The following LILRB2 variants were observed in gnomAD, a reference collection of about 807,000 sequenced individuals.
LILRB2 encodes leukocyte immunoglobulin like receptor B2, also known as leukocyte immunoglobulin-like receptor subfamily B member 2.
Under a neutral mutation model 72.7 loss-of-function variants are expected in LILRB2, and 47 were observed. The observed-to-expected ratio is 0.65, with a 90% confidence interval of 0.51 to 0.82. LILRB2 has a LOEUF of 0.82. Ranked by LOEUF, LILRB2 falls within the 40% of genes least tolerant of loss-of-function variation. LILRB2 has a pLI of 0.00. For missense variants in LILRB2, 767 were observed against 764.8 expected, an observed-to-expected ratio of 1.00 and a Z score of -0.03; for synonymous variants, 279 against 313.7, an observed-to-expected ratio of 0.89 and a Z score of 1.17.
chr19:54,280,890 C>A, intron 1 of LILRB2, 71 bp downstream of exon 1: 1 of 993,888 alleles, frequency 1.0e-6, no homozygotes, highest in East Asian at 3.8e-5. Flanking sequence ...CCCCTTCCTT[C>A]TCACAGCTTC....
At chr19:54,278,067 T>C in intron 7 of LILRB2, 128 bp from the exon 8 acceptor site, 1 of 1,101,316 alleles carries the variant, frequency 9.1e-7, no homozygotes, top group Non-Finnish European at 1.3e-6. Flanking sequence ...CTCCTGTCCA[T>C]GATGCTGGCG....
chr19:54,274,734 T>C lies in LILRB2; in HGVS notation c.1743A>G (p.Glu581=). 6.2e-7 allele frequency: 1 copy of C among 1,613,910 alleles called. No homozygotes were observed. The highest frequency in any genetic ancestry group is 2.2e-5 in the East Asian group (1 of 44,860). The change falls in exon 14 of 14, where the codon GAA becomes GAG. Residue 581 remains glutamate, a synonymous_variant. Transcript: ENST00000314446. ...RKATEPPPSQ[E]REPPAEPSIY... The stretch of plus-strand genomic sequence containing the variant: ...TGCTGGGCTCAGCTGGAGGTTCCCT[T>C]TCCTGGGATGGAGGAGGCTCAGTTG...
chr19:54,279,837 G>T lies in LILRB2; in HGVS notation c.309C>A (p.Arg103=), dbSNP rs541426329. ...TGRYGCQYYS[R]ARWSELSDPL... is the part of the protein sequence containing the mutation. The stretch of plus-strand genomic sequence containing the variant: ...GGTCACTGAGCTCAGACCACCGAGC[G>T]CGGCTGTAATACTGACAGCCATATC... The change falls in exon 4 of 14, where the codon CGC becomes CGA. Residue 103 remains arginine, a synonymous_variant. Coordinates refer to ENST00000314446, the MANE Select transcript of LILRB2 (RefSeq NM_001080978.4). 1 of 1,614,142 alleles carries T rather than the reference G, an allele frequency of 6.2e-7. No individual in the cohort carries two copies. Among genetic ancestry groups the T allele is most frequent in the Admixed American group, 1.7e-5 (1 of 60,026 alleles).
chr19:54,277,461 C>T lies in LILRB2; in HGVS notation c.1357+89G>A, dbSNP rs1335379172. The T allele has an allele frequency of 3.3e-6, 5 of 1,527,532 alleles. No homozygotes were observed. The African/African-American group carries it at 5.5e-5, about 17-fold the overall frequency. The allele number at this position is 1,527,532 out of a possible 1,614,324, so 94.6% of individuals were successfully genotyped here. ...GCAGGGGAGGAGCCTGTCTACATCACCACCTCCAGAGGAGCCTGAACCTAG... is the reference window on the plus strand; with the variant it reads ...GCAGGGGAGGAGCCTGTCTACATCATCACCTCCAGAGGAGCCTGAACCTAG... On this transcript the variant is annotated intron_variant, in intron 9 of 13. Transcript: ENST00000314446.
chr19:54,279,002 A>C lies in LILRB2; in HGVS notation c.765T>G (p.Val255=). 1 of 1,614,208 alleles carries C rather than the reference A, an allele frequency of 6.2e-7. No homozygotes were observed. The highest frequency in any genetic ancestry group is 8.5e-7 in the Non-Finnish European group (1 of 1,180,028). ...CVSDVGYDRF[V]LYKEGERDLR... ...GGTCACGTTCCCCCTCCTTGTACAGAACAAATCTGTCATAGCCGACATCAG... is the reference window on the plus strand; with the variant it reads ...GGTCACGTTCCCCCTCCTTGTACAGCACAAATCTGTCATAGCCGACATCAG... The change falls in exon 6 of 14, where the codon GTT becomes GTG. Residue 255 remains valine (V), a synonymous_variant. Coordinates refer to ENST00000314446, the MANE Select transcript of LILRB2 (RefSeq NM_001080978.4).
intron 4 of LILRB2, 68 bp downstream of exon 4, chr19:54,279,723 G>C: frequency 1.2e-6 from 2 of 1,607,278 alleles, no homozygotes; most frequent in East Asian, 4.5e-5. Flanking sequence ...CTGTGAGAGG[G>C]AGACACCCCT....
chr19:54,280,143 G>T, intron 3 of LILRB2, 68 bp from the exon 4 acceptor site: 1 of 1,608,902 alleles, frequency 6.2e-7, no homozygotes, highest in Non-Finnish European at 8.5e-7. Flanking sequence ...CTCAGCCCAG[G>T]ACCCTCCAGA....
In LILRB2 at chr19:54,276,445, C is replaced by A. The variant is rs2080232264; in HGVS notation, c.1492G>T (p.Ala498Ser). Residue 498 changes from alanine to serine, a missense_variant, in exon 11 of 14, where the codon GCT becomes TCT. Physicochemically the swap from Ala to Ser is moderately conservative, Grantham distance 99. Coordinates refer to ENST00000314446, the MANE Select transcript of LILRB2 (RefSeq NM_001080978.4). Reference protein sequence around the residue: ...GKHWTSTQRKADFQHPAGAVG... With the variant: ...GKHWTSTQRKSDFQHPAGAVG... ...GCCCCTGCAGGATGTTGGAAATCAG[C>A]CTTTCTCTGGGCTGGGGGAAGAAGG... 7 of 1,593,060 alleles carry A rather than the reference C, an allele frequency of 4.4e-6. No homozygotes were observed. Among genetic ancestry groups the A allele is most frequent in the South Asian group, 1.1e-5 (1 of 90,412 alleles).
rs1307614571 is a variant in LILRB2, at chr19:54,279,486, C to T, written c.517G>A (p.Ala173Thr). The T allele has an allele frequency of 1.9e-6, 3 of 1,613,486 alleles. No individual in the cohort carries two copies. The highest frequency in any genetic ancestry group is 1.1e-5 in the South Asian group (1 of 90,604). ...AAGATGGCGCGGGACGACCCACGGGCATGGGGCTGGGAGTTCAGGCATTGT... is the reference window on the plus strand; with the variant it reads ...AAGATGGCGCGGGACGACCCACGGGTATGGGGCTGGGAGTTCAGGCATTGT... ...HPQCLNSQPH[A>T]RGSSRAIFSV... is the part of the protein sequence containing the mutation. The change falls in exon 5 of 14, where the codon GCC (alanine) becomes ACC (threonine). Residue 173 changes from alanine (A) to threonine (T), a missense_variant. By Grantham distance (58) the Ala-to-Thr change is moderately conservative. Around this residue, in one of 3 missense-constraint regions of LILRB2, gnomAD observed 599 missense variants for 568.2 expected, o/e 1.05. Coordinates refer to ENST00000314446, the MANE Select transcript of LILRB2 (RefSeq NM_001080978.4).
In LILRB2 at chr19:54,273,947, G is replaced by A. The variant is rs1307699152; in HGVS notation, c.*736C>T. 1 of 151,860 alleles carries A rather than the reference G, an allele frequency of 6.6e-6. No individual in the cohort carries two copies. The highest frequency in any genetic ancestry group is 1.5e-5 in the Non-Finnish European group (1 of 68,138). The allele number at this position is 151,860 out of a possible 1,614,324, so 9.4% of individuals were successfully genotyped here. On this transcript the variant is annotated 3_prime_UTR_variant, in exon 14 of 14. Coordinates refer to ENST00000314446, the MANE Select transcript of LILRB2 (RefSeq NM_001080978.4). ...AGTCAGATTCTCTGATTACTCTTAC[G>A]TTCATTATGTAAACTCCAGTTTTGA...
chr19:54,278,561 T>A lies in LILRB2; in HGVS notation c.957A>T (p.Gly319=). Residue 319 remains glycine, a splice_region_variant and synonymous_variant, in exon 7 of 14, where the codon GGA becomes GGT. Transcript: ENST00000314446. ...PSDPLDILIT[G]QIRGTPFISV... is the part of the protein sequence containing the mutation. ...AGATGAAGGGTGTGCCACGGATCTG[T>A]CCTGGAGAGAAGAAGGATGGGTGAG... 2 of 1,613,588 alleles carry A rather than the reference T, an allele frequency of 1.2e-6. No individual in the cohort carries two copies. Among genetic ancestry groups the A allele is most frequent in the East Asian group, 4.5e-5 (2 of 44,824 alleles).
In LILRB2 at chr19:54,279,606, C is replaced by G. The variant is rs772455929; in HGVS notation, c.397G>C (p.Val133Leu). 3.7e-6 allele frequency: 6 copies of G among 1,614,068 alleles called. No homozygotes were observed. The highest frequency in any genetic ancestry group is 4.2e-6 in the Non-Finnish European group (5 of 1,179,988). ...KPTLSAQPSP[V>L]VTSGGRVTLQ... ...GTCACCCTTCCTCCTGAGGTCACCACAGGGCTGGGCTGGGCTGAGAGGGTG... is the reference window on the plus strand; with the variant it reads ...GTCACCCTTCCTCCTGAGGTCACCAGAGGGCTGGGCTGGGCTGAGAGGGTG... Residue 133 changes from valine (V) to leucine (L), a missense_variant, in exon 5 of 14, where the codon GTG (valine) becomes CTG (leucine). This residue lies in a region of LILRB2 where 599 missense variants were observed against 568.2 expected (regional missense o/e 1.05). Coordinates refer to ENST00000314446, the MANE Select transcript of LILRB2 (RefSeq NM_001080978.4).
In LILRB2 at chr19:54,279,670, G is replaced by T. The variant is rs1174633842; in HGVS notation, c.356-23C>A. On this transcript the variant is annotated intron_variant, in intron 4 of 13. Coordinates refer to ENST00000314446, the MANE Select transcript of LILRB2 (RefSeq NM_001080978.4). ...CTCCTAGGAGAGAAGGAGGCATCGT[G>T]TTAAATGGGGCTCCCACCTCCCACA... 2.5e-6 allele frequency: 4 copies of T among 1,599,110 alleles called. No homozygotes were observed. The African/African-American group carries it at 4.0e-5, about 16-fold the overall frequency.
Position 54,275,810 on chromosome 19 carries a change from C to G in LILRB2, c.1647+141G>C, listed in dbSNP as rs938206970. On this transcript the variant is annotated intron_variant, in intron 13 of 13. Transcript: ENST00000314446. ...ACAGCAGGAGAGAGTGAGGTCACAG[C>G]AGGCGGGAGGCAGCGTGCTGGACAA... 5.3e-6 allele frequency: 6 copies of G among 1,135,664 alleles called. No individual in the cohort carries two copies. The African/African-American group carries it at 7.7e-5, about 15-fold the overall frequency. The allele number at this position is 1,135,664 out of a possible 1,614,324, so 70.3% of individuals were successfully genotyped here.
At chr19:54,276,646 A>G (rs1466513063) in intron 10 of LILRB2, 161 bp downstream of exon 10, 19 of 1,449,502 alleles carry the variant, frequency 1.3e-5, no homozygotes, top group Non-Finnish European at 1.7e-5. Flanking sequence ...GACACTTTAT[A>G]TTTGTAGATG....
chr19:54,277,132 A>G, intron 9 of LILRB2: 1 of 1,498,052 alleles, frequency 6.7e-7, no homozygotes, highest in African/African-American at 1.4e-5. Flanking sequence ...CCAGCCAGGA[A>G]GCGGCAGAGC....
At chr19:54,275,537 A>G in intron 13 of LILRB2, 1 of 511,740 alleles carries the variant, frequency 2.0e-6, no homozygotes, top group East Asian at 5.6e-5. Context: ...TCCCACCATG[A>G]GGTGAGCTCA....
At position 54,276,264 on chromosome 19, in the gene LILRB2, A is replaced by G; in HGVS notation, c.1594T>C (p.Tyr532His). ...PAADAQEENL[Y>H]AAVKDTQPED... ...CTGGTCACCTCTTCCTCTCACTCACAGAGGTTTTCTTCCTGGGCGTCGGCA... is the reference window on the plus strand; with the variant it reads ...CTGGTCACCTCTTCCTCTCACTCACGGAGGTTTTCTTCCTGGGCGTCGGCA... The change falls in exon 12 of 14, where the codon TAT (tyrosine) becomes CAT (histidine). Residue 532 changes from tyrosine to histidine, a missense_variant and splice_region_variant. Transcript: ENST00000314446. 1 of 1,613,548 alleles carries G rather than the reference A, an allele frequency of 6.2e-7. No homozygotes were observed. The highest frequency in any genetic ancestry group is 8.5e-7 in the Non-Finnish European group (1 of 1,179,744).
At chr19:54,277,699 T>G in intron 8 of LILRB2, 102 bp from the exon 9 acceptor site, 1 of 1,427,102 alleles carries the variant, frequency 7.0e-7, no homozygotes, top group Admixed American at 2.2e-5. Flanking sequence ...TCTCTCTGCC[T>G]TGACCCCCCA....
Sources: gnomAD v4.1 joint callset for allele counts on GRCh38, gnomAD v4.1.1 for gene constraint, gnomAD v4.1.1 regional missense constraint, MANE v1.5 for transcripts, NCBI Gene and HGNC (gene_info 2026-07-23, HGNC 2026-07-21) for gene names.